FAP: variants seen among roughly 807,000 people sequenced by gnomAD.
The protein encoded by FAP is fibroblast activation protein alpha, also known as prolyl endopeptidase FAP.
A neutral mutation model predicts 126.5 loss-of-function variants in FAP; 110 were observed. That is an observed-to-expected ratio of 0.87 (90% confidence interval 0.74 to 1.02). FAP has a LOEUF of 1.02. FAP is among the 50% of genes least tolerant of loss of function. FAP has a pLI of 0.00. For missense variants in FAP, 919 were observed against 909.2 expected, an observed-to-expected ratio of 1.01 and a Z score of -0.14; for synonymous variants, 334 against 297.3, an observed-to-expected ratio of 1.12 and a Z score of -1.27.
In FAP at chr2:162,196,465, T is replaced by G. The variant is rs185770091; in HGVS notation, c.1403-1717A>C. Among the ~76,000 whole-genome samples, 30 of 151,710 alleles carry G rather than the reference T, an allele frequency of 2.0e-4. No homozygotes were observed. In the East Asian group the frequency reaches 2.5e-3, roughly 13 times the overall value. Reference sequence around the variant, plus strand: ...TTCTAGACTCTAATCAACCAGCATCTACCCTGTGGAATTTTCATGAGTGTG... The same window carrying G: ...TTCTAGACTCTAATCAACCAGCATCGACCCTGTGGAATTTTCATGAGTGTG... On this transcript the variant is annotated intron_variant, in intron 16 of 25. Transcript: ENST00000188790.
intron 21 of FAP, among the ~76,000 whole-genome samples, chr2:162,181,790 G>A (rs900647615): frequency 4.6e-5 from 7 of 152,186 alleles, no homozygotes; most frequent in Admixed American, 3.3e-4. Flanking sequence ...ACAAGACCTT[G>A]TAGAAAATGT....
At chr2:162,202,408 T>G (rs1393670501) in intron 14 of FAP, among the ~76,000 whole-genome samples, 2 of 152,234 alleles carry the variant, frequency 1.3e-5, no homozygotes, top group Non-Finnish European at 2.9e-5. Context: ...TCTGCAAACT[T>G]AGGATAATCA....
intron 20 of FAP, 67 bp downstream of exon 20, chr2:162,188,102 G>C (rs1257513014): frequency 7.9e-7 from 1 of 1,268,728 alleles, no homozygotes; most frequent in Non-Finnish European, 1.1e-6. Context: ...GAAGAATGGA[G>C]AAACACAATA....
chr2:162,180,107 A>G (rs6753165), intron 21 of FAP, among the ~76,000 whole-genome samples: 6,275 of 152,048 alleles, frequency 0.041, 671 homozygotes, highest in Admixed American at 0.24. Flanking sequence ...ACTCCTGGCC[A>G]TAATTTAAAT....
intron 12 of FAP, among the ~76,000 whole-genome samples, chr2:162,207,769 G>A (rs1414360939): frequency 6.6e-6 from 1 of 150,672 alleles, no homozygotes; most frequent in African/African-American, 2.4e-5. Context: ...AGAGTGCAGT[G>A]GCGCGATCTC....
At chr2:162,213,897 G>A in intron 11 of FAP, 41 bp downstream of exon 11, 1 of 1,595,612 alleles carries the variant, frequency 6.3e-7, no homozygotes, top group Non-Finnish European at 8.6e-7. Flanking sequence ...ATTGTGCCTT[G>A]ATCTTCAGAA....
intron 15 of FAP, among the ~76,000 whole-genome samples, chr2:162,199,565 G>T (rs1001735370): frequency 5.9e-5 from 9 of 152,166 alleles, no homozygotes; most frequent in Non-Finnish European, 1.2e-4. Flanking sequence ...GACCTTATCC[G>T]ACACCCTCAG....
intron 16 of FAP, chr2:162,197,629 T>C (rs1363650730): frequency 2.2e-6 from 1 of 456,666 alleles, no homozygotes; most frequent in South Asian, 1.5e-5. Context: ...GTCCACGTAG[T>C]CAAATGAGCT....
intron 2 of FAP, among the ~76,000 whole-genome samples, chr2:162,234,481 A>G (rs1318174023): frequency 6.6e-6 from 1 of 152,136 alleles, no homozygotes; most frequent in Non-Finnish European, 1.5e-5. Flanking sequence ...TTTTTAGTGA[A>G]TTCCTTAGGA....
intron 2 of FAP, among the ~76,000 whole-genome samples, chr2:162,238,290 C>T (rs1690218565): frequency 6.6e-6 from 1 of 152,222 alleles, no homozygotes; most frequent in Non-Finnish European, 1.5e-5. Context: ...GATTGCACAC[C>T]TCTGGCTCAG....
chr2:162,239,391 G>A (rs948042101), intron 2 of FAP, among the ~76,000 whole-genome samples: 8 of 151,632 alleles, frequency 5.3e-5, no homozygotes, highest in African/African-American at 1.9e-4. Context: ...CCACCCTTCA[G>A]CTTCTTATAT....
rs1687275985 is a variant in FAP, at chr2:162,170,752, CA to C, written c.*226del. 2.2e-6 allele frequency: 1 copy of C among 465,054 alleles called. No homozygotes were observed. Among genetic ancestry groups the C allele is most frequent in the Non-Finnish European group, 3.9e-6 (1 of 259,692 alleles). The allele number at this position is 465,054 out of a possible 1,614,324, so 28.8% of individuals were successfully genotyped here. A position where few individuals can be genotyped will look rare whatever the true frequency, so the allele number is the denominator to read the frequency against. ...AGGTGATAAAACACTGTGTCCAAAG[CA>C]AAATGCATGACTCCCTTTTCTCTTC... On this transcript the variant is annotated 3_prime_UTR_variant, in exon 26 of 26. Transcript: ENST00000188790.
intron 22 of FAP, 42 bp from the exon 23 acceptor site, chr2:162,173,829 A>G (rs763802651): frequency 1.6e-6 from 2 of 1,238,306 alleles, no homozygotes; most frequent in East Asian, 2.3e-5. Context: ...CATGTGATGA[A>G]TGTCATTTCA....
At chr2:162,210,742 A>G (rs976015834) in intron 11 of FAP, among the ~76,000 whole-genome samples, 2 of 152,186 alleles carry the variant, frequency 1.3e-5, no homozygotes, top group Non-Finnish European at 2.9e-5. Context: ...CAGAGGATAT[A>G]CTAGAAGTGG....
chr2:162,211,647 C>A (rs1688940228), intron 11 of FAP, among the ~76,000 whole-genome samples: 1 of 152,048 alleles, frequency 6.6e-6, no homozygotes, highest in Admixed American at 6.5e-5. Flanking sequence ...TAAGATAAGA[C>A]TCGGAAAAAA....
intron 4 of FAP, among the ~76,000 whole-genome samples, chr2:162,225,073 C>A (rs1268305149): frequency 6.6e-6 from 1 of 152,076 alleles, no homozygotes; most frequent in Non-Finnish European, 1.5e-5. Context: ...AATGTTATTT[C>A]ATTTAATTCT....
At chr2:162,213,618 A>G (rs1311131997) in intron 11 of FAP, among the ~76,000 whole-genome samples, 1 of 151,988 alleles carries the variant, frequency 6.6e-6, no homozygotes, top group Non-Finnish European at 1.5e-5. Context: ...TTTTTATTGG[A>G]CTGCCAATGT....
In FAP at chr2:162,188,256, C is replaced by T; in HGVS notation, c.1727G>A (p.Gly576Glu). 1 of 1,613,354 alleles carries T rather than the reference C, an allele frequency of 6.2e-7. No individual in the cohort carries two copies. The highest frequency in any genetic ancestry group is 8.5e-7 in the Non-Finnish European group (1 of 1,179,520). Reference protein sequence around the residue: ...GMVIALVDGRGTAFQGDKLLY... With the variant: ...GMVIALVDGRETAFQGDKLLY... ...GAGTTTGTCACCTTGGAAAGCTGTT[C>T]CTCGACCATCCACCAAGGCAATGAC... The change falls in exon 20 of 26, where the codon GGA becomes GAA. Residue 576 changes from glycine to glutamate, a missense_variant. Coordinates refer to ENST00000188790, the MANE Select transcript of FAP (RefSeq NM_004460.5).
At chr2:162,214,864 A>G (rs1276828406) in intron 10 of FAP, among the ~76,000 whole-genome samples, 1 of 152,096 alleles carries the variant, frequency 6.6e-6, no homozygotes, top group African/African-American at 2.4e-5. Flanking sequence ...TGCTGTAAAG[A>G]TTGGCCGCGT....
Sources: allele counts gnomAD v4.1 joint callset (sites outside exome capture counted in the v4.1 genomes callset), GRCh38; gene constraint gnomAD v4.1.1; transcripts MANE v1.5; gene names NCBI Gene and HGNC (gene_info 2026-07-23, HGNC 2026-07-21).